FGF12: variants seen among roughly 807,000 people sequenced by gnomAD.
FGF12 encodes fibroblast growth factor 12B.
In FGF12, 14 loss-of-function variants were observed where a neutral mutation model predicts 23.6. That is an observed-to-expected ratio of 0.59 (90% CI 0.39 to 0.93). The LOEUF (loss-of-function observed/expected upper bound fraction) is 0.93, where lower values mean the gene tolerates loss of function less well. Ranked by LOEUF, FGF12 falls within the 40% of genes least tolerant of loss-of-function variation. The pLI is 0.00. For synonymous variants in FGF12, 62 were observed against 77.3 expected, an observed-to-expected ratio of 0.80 and a Z score of 1.04; for missense variants, 175 against 217.8, an observed-to-expected ratio of 0.80 and a Z score of 1.24.
chr3:192,483,442 G>C (rs1453869507), intron 2 of FGF12, among the ~76,000 whole-genome samples: 1 of 152,090 alleles, frequency 6.6e-6, no homozygotes, highest in African/African-American at 2.4e-5. Flanking sequence ...AATGTCTAAT[G>C]TCTCTTACTG....
At chr3:192,617,333 G>A (rs961959234) in intron 2 of FGF12, among the ~76,000 whole-genome samples, 3 of 152,058 alleles carry the variant, frequency 2.0e-5, no homozygotes, top group Admixed American at 6.6e-5. Flanking sequence ...TGGGGGAGGT[G>A]GGAGGTTGGA....
intron 2 of FGF12, among the ~76,000 whole-genome samples, chr3:192,681,353 T>C (rs1330384896): frequency 1.3e-5 from 2 of 152,296 alleles, no homozygotes; most frequent in South Asian, 2.1e-4. Flanking sequence ...GATTGTGGTG[T>C]CATTTGGCAA....
intron 4 of FGF12, among the ~76,000 whole-genome samples, chr3:192,292,604 A>C (rs1714816506): frequency 6.6e-6 from 1 of 152,190 alleles, no homozygotes; most frequent in Non-Finnish European, 1.5e-5. Flanking sequence ...TAAGTCTAAG[A>C]TATTGAAATA....
At chr3:192,496,154 C>T (rs541306878) in intron 2 of FGF12, among the ~76,000 whole-genome samples, 2 of 152,246 alleles carry the variant, frequency 1.3e-5, no homozygotes, top group South Asian at 2.1e-4. Flanking sequence ...CCAAGAAAAG[C>T]CGAAGCAAGA....
intron 2 of FGF12, among the ~76,000 whole-genome samples, chr3:192,528,800 C>T (rs1256089140): frequency 6.6e-6 from 1 of 152,164 alleles, no homozygotes; most frequent in Non-Finnish European, 1.5e-5. Flanking sequence ...GAGTCTTGCA[C>T]CCTCTGAAGT....
chr3:192,156,165 T>C (rs1441016059), intron 5 of FGF12, among the ~76,000 whole-genome samples: 1 of 152,208 alleles, frequency 6.6e-6, no homozygotes, highest in Non-Finnish European at 1.5e-5. Context: ...TTAGTTCTTA[T>C]GATAAGCAGT....
At chr3:192,704,809 T>C (rs933824143) in intron 2 of FGF12, among the ~76,000 whole-genome samples, 1 of 152,256 alleles carries the variant, frequency 6.6e-6, no homozygotes, top group Non-Finnish European at 1.5e-5. Flanking sequence ...CTCAGCTAGA[T>C]ATTTTTGTAT....
chr3:192,394,647 C>T (rs937826770), intron 2 of FGF12, among the ~76,000 whole-genome samples: 1 of 152,130 alleles, frequency 6.6e-6, no homozygotes, highest in Non-Finnish European at 1.5e-5. Flanking sequence ...CCAAGGTCAC[C>T]AGGACTCTGA....
intron 2 of FGF12, among the ~76,000 whole-genome samples, chr3:192,654,777 G>A (rs1179531577): frequency 6.6e-6 from 1 of 152,126 alleles, no homozygotes; most frequent in Non-Finnish European, 1.5e-5. Flanking sequence ...CTTACATGTA[G>A]AAACTGGTTA....
intron 4 of FGF12, among the ~76,000 whole-genome samples, chr3:192,259,041 C>T (rs1459932573): frequency 2.6e-5 from 4 of 151,822 alleles, no homozygotes. Context: ...AAATCATTCT[C>T]TTGAGAATCT....
At chr3:192,511,648 T>G (rs1332914991) in intron 2 of FGF12, among the ~76,000 whole-genome samples, 1 of 152,220 alleles carries the variant, frequency 6.6e-6, no homozygotes, top group Non-Finnish European at 1.5e-5. Context: ...GCAATATTGT[T>G]TAGCATCTTA....
intron 2 of FGF12, among the ~76,000 whole-genome samples, chr3:192,444,184 G>A (rs1199218815): frequency 6.6e-6 from 1 of 152,188 alleles, no homozygotes. Context: ...CGCCCAGCCT[G>A]CCACAGTGTG....
chr3:192,695,991 T>C (rs969064480), intron 2 of FGF12, among the ~76,000 whole-genome samples: 2 of 152,002 alleles, frequency 1.3e-5, no homozygotes, highest in African/African-American at 4.8e-5. Flanking sequence ...CCCAGCTACT[T>C]GGGAGGCTAA....
intron 2 of FGF12, among the ~76,000 whole-genome samples, chr3:192,507,681 T>C (rs536190801): frequency 6.6e-6 from 1 of 152,290 alleles, no homozygotes; most frequent in Non-Finnish European, 1.5e-5. Context: ...CCAGGCTGCT[T>C]GTGAACAGAA....
In FGF12 at chr3:192,638,213, A is replaced by G. The variant is rs570841302; in HGVS notation, c.13+88968T>C. On this transcript the variant is annotated intron_variant, in intron 2 of 5. Transcript: ENST00000445105. ...TATCTAAACTATAATGCTGACCAAC[A>G]TAAAAGGTCAATTACAACTATTAGT... is the stretch of plus-strand genomic sequence containing the variant. Among the ~76,000 whole-genome samples the G allele has an allele frequency of 7.2e-5, 11 of 152,366 alleles. No homozygotes were observed. In the South Asian group the frequency reaches 2.1e-3, roughly 29 times the overall value.
chr3:192,726,911 T>C (rs897664287), intron 2 of FGF12: 4 of 527,000 alleles, frequency 7.6e-6, no homozygotes, highest in Middle Eastern at 5.0e-4. Context: ...CTCCTCCATT[T>C]TGGGGGGACT....
chr3:192,377,975 G>T (rs1443557007), intron 2 of FGF12, among the ~76,000 whole-genome samples: 2 of 150,906 alleles, frequency 1.3e-5, no homozygotes, highest in Non-Finnish European at 2.9e-5. Flanking sequence ...GTCTTTTCTG[G>T]TATTACGCAT....
At chr3:192,371,592 A>G (rs1269000460) in intron 2 of FGF12, among the ~76,000 whole-genome samples, 1 of 152,240 alleles carries the variant, frequency 6.6e-6, no homozygotes, top group East Asian at 1.9e-4. Context: ...AGGAAAATCC[A>G]CGGTTAGTTA....
At chr3:192,260,593 C>T (rs951430300) in intron 4 of FGF12, among the ~76,000 whole-genome samples, 8 of 152,280 alleles carry the variant, frequency 5.3e-5, no homozygotes, top group Non-Finnish European at 7.3e-5. Flanking sequence ...TTCCATTACT[C>T]TTGGACCTCT....
Sources: allele counts gnomAD v4.1 joint callset (sites outside exome capture counted in the v4.1 genomes callset), GRCh38; gene constraint gnomAD v4.1.1; transcripts MANE v1.5; gene names NCBI Gene and HGNC (gene_info 2026-07-23, HGNC 2026-07-21).